CNOT4: variants seen among roughly 807,000 people sequenced by gnomAD.
CNOT4 encodes the protein CCR4-associated factor 4.
Under a neutral mutation model 73.8 loss-of-function variants are expected in CNOT4, and 8 were observed. The observed-to-expected ratio is 0.11, with a 90% CI of 0.06 to 0.20. The LOEUF (loss-of-function observed/expected upper bound fraction) is 0.20. CNOT4 is among the 10% of genes least tolerant of loss of function. CNOT4 has a pLI of 1.00. For missense variants in CNOT4, 564 were observed against 883.4 expected, an observed-to-expected ratio of 0.64 and a Z score of 4.58; for synonymous variants, 293 against 321.1, an observed-to-expected ratio of 0.91 and a Z score of 0.94.
chr7:135,436,193 A>AT (rs1032294643), intron 2 of CNOT4, among the ~76,000 whole-genome samples: 21 of 150,322 alleles, frequency 1.4e-4, no homozygotes, highest in Middle Eastern at 6.9e-3. Flanking sequence ...AAAATCTTCT[A>AT]TTTTTTTTTC....
intron 1 of CNOT4, among the ~76,000 whole-genome samples, chr7:135,489,851 G>A (rs1802992445): frequency 6.6e-6 from 1 of 152,034 alleles, no homozygotes; most frequent in Admixed American, 6.6e-5. Flanking sequence ...AAAATCAATA[G>A]TTAACATATA....
chr7:135,375,884 C>T (rs925082738), intron 10 of CNOT4, among the ~76,000 whole-genome samples: 1 of 152,038 alleles, frequency 6.6e-6, no homozygotes, highest in Non-Finnish European at 1.5e-5. Context: ...GAGATCGTGC[C>T]ATTGCACTCC....
At chr7:135,496,981 T>G (rs973442336) in intron 1 of CNOT4, among the ~76,000 whole-genome samples, 3 of 152,008 alleles carry the variant, frequency 2.0e-5, no homozygotes, top group African/African-American at 7.2e-5. Flanking sequence ...TAATTATTTT[T>G]TTTTTTTAAG....
In CNOT4 at chr7:135,394,130, A is replaced by G. The variant is rs1439560003; in HGVS notation, c.1415T>C (p.Leu472Ser). Reference sequence around the variant, plus strand: ...CTGAAATTGAGGGAACCTCTGGGGCAAGACTGAAAAGGTACTATTGAGAGA... The same window carrying G: ...CTGAAATTGAGGGAACCTCTGGGGCGAGACTGAAAAGGTACTATTGAGAGA... ...ANSLNSTFSVLPQRFPQFQQH... is the reference protein window; with the variant it reads ...ANSLNSTFSVSPQRFPQFQQH... The change falls in exon 10 of 12, where the codon TTG becomes TCG. Residue 472 changes from leucine (L) to serine (S), a missense_variant. Physicochemically the swap from Leu to Ser is moderately radical, Grantham distance 145. This residue lies in a region of CNOT4 where 153 missense variants were observed against 158.7 expected (regional missense o/e 0.96). Transcript: ENST00000541284. The G allele has an allele frequency of 1.4e-5, 22 of 1,614,224 alleles. No individual in the cohort carries two copies. The East Asian group carries it at 4.9e-4, about 36-fold the overall frequency.
chr7:135,503,482 G>A (rs899773575), intron 1 of CNOT4, among the ~76,000 whole-genome samples: 3 of 151,852 alleles, frequency 2.0e-5, no homozygotes, highest in Admixed American at 6.6e-5. Context: ...AAAAGTTCTA[G>A]TACGAATGAA....
chr7:135,410,813 A>G (rs1019246079), intron 6 of CNOT4, among the ~76,000 whole-genome samples, 165 bp from the exon 7 acceptor site: 18 of 151,338 alleles, frequency 1.2e-4, no homozygotes, highest in Admixed American at 4.0e-4. Flanking sequence ...TAAAACAAGT[A>G]AGAGAAACCT....
chr7:135,496,502 C>T (rs1803594384), intron 1 of CNOT4, among the ~76,000 whole-genome samples: 6 of 152,162 alleles, frequency 3.9e-5, no homozygotes, highest in Admixed American at 3.9e-4. Context: ...CTCACACCAC[C>T]AAGCCAAAGG....
chr7:135,367,650 G>A (rs1207701490), intron 10 of CNOT4, among the ~76,000 whole-genome samples: 1 of 152,070 alleles, frequency 6.6e-6, no homozygotes, highest in Non-Finnish European at 1.5e-5. Flanking sequence ...TTACTGCCAG[G>A]AACTAGCCCT....
At chr7:135,431,265 T>C (rs1265246624) in intron 2 of CNOT4, among the ~76,000 whole-genome samples, 1 of 152,178 alleles carries the variant, frequency 6.6e-6, no homozygotes, top group Non-Finnish European at 1.5e-5. Context: ...AGACCTTGTC[T>C]CTAAAAAAAT....
At chr7:135,384,721 G>GT (rs1563017002) in intron 10 of CNOT4, 1 of 765,266 alleles carries the variant, frequency 1.3e-6, no homozygotes, top group South Asian at 1.3e-5. Context: ...AATTGGCTCT[G>GT]TAAGGTCTGC....
At chr7:135,455,200 G>A (rs528367771) in intron 1 of CNOT4, among the ~76,000 whole-genome samples, 43 of 151,796 alleles carry the variant, frequency 2.8e-4, no homozygotes, top group Non-Finnish European at 5.4e-4. Flanking sequence ...CTTGAGCCAA[G>A]GATTTCCAGG....
chr7:135,501,009 A>C (rs55692602), intron 1 of CNOT4, among the ~76,000 whole-genome samples: 23 of 139,502 alleles, frequency 1.6e-4, no homozygotes, highest in African/African-American at 5.5e-4. Flanking sequence ...TTGGAGACAG[A>C]GTTTCATTCT....
At chr7:135,431,275 T>C (rs1253566670) in intron 2 of CNOT4, among the ~76,000 whole-genome samples, 2 of 152,090 alleles carry the variant, frequency 1.3e-5, no homozygotes, top group East Asian at 3.9e-4. Context: ...TCTAAAAAAA[T>C]TTTAAAAAGC....
At chr7:135,502,209 C>T (rs1804020663) in intron 1 of CNOT4, among the ~76,000 whole-genome samples, 1 of 152,198 alleles carries the variant, frequency 6.6e-6, no homozygotes, top group South Asian at 2.1e-4. Flanking sequence ...ATAAAATGAA[C>T]TAAGACATGC....
intron 1 of CNOT4, among the ~76,000 whole-genome samples, chr7:135,507,481 G>A (rs965503166): frequency 1.3e-5 from 2 of 152,184 alleles, no homozygotes; most frequent in South Asian, 2.1e-4. Flanking sequence ...TTCTTTAAAC[G>A]TACTAAAGAT....
chr7:135,504,020 A>G (rs1483523253), intron 1 of CNOT4, among the ~76,000 whole-genome samples: 1 of 152,206 alleles, frequency 6.6e-6, no homozygotes, highest in African/African-American at 2.4e-5. Flanking sequence ...TTATTTTAGA[A>G]AATTCACAAT....
At chr7:135,453,828 A>ATT in intron 1 of CNOT4, among the ~76,000 whole-genome samples, 1 of 86,162 alleles carries the variant, frequency 1.2e-5, no homozygotes, top group Non-Finnish European at 2.7e-5. Context: ...TATATATTTT[A>ATT]TATATATATA....
At chr7:135,449,166 G>A (rs1463356325) in intron 1 of CNOT4, among the ~76,000 whole-genome samples, 1 of 152,076 alleles carries the variant, frequency 6.6e-6, no homozygotes, top group Non-Finnish European at 1.5e-5. Flanking sequence ...TTCAACAAAG[G>A]AAACTATATT....
intron 1 of CNOT4, among the ~76,000 whole-genome samples, chr7:135,452,547 G>C (rs1435060839): frequency 6.6e-6 from 1 of 152,166 alleles, no homozygotes; most frequent in Non-Finnish European, 1.5e-5. Flanking sequence ...TCCAGCCTGG[G>C]CAACAAGAGT....
Sources: allele counts gnomAD v4.1 joint callset (sites outside exome capture counted in the v4.1 genomes callset), GRCh38; gene constraint gnomAD v4.1.1; regional missense constraint gnomAD v4.1.1; transcripts MANE v1.5; gene names NCBI Gene and HGNC (gene_info 2026-07-23, HGNC 2026-07-21).